PTPRD: variants seen among roughly 807,000 people sequenced by gnomAD.
PTPRD encodes the protein receptor-type tyrosine-protein phosphatase delta.
A neutral mutation model predicts 214.5 loss-of-function variants in PTPRD; 34 were observed. The observed-to-expected ratio is 0.16, with a 90% CI of 0.12 to 0.21. The LOEUF is 0.21. PTPRD is among the 10% of genes least tolerant of loss of function. The pLI, the probability that PTPRD is intolerant of heterozygous loss-of-function variation, is 1.00. For missense variants in PTPRD, 2,545 were observed against 2,398.7 expected, an observed-to-expected ratio of 1.06 and a Z score of -1.27; for synonymous variants, 1,128 against 845.7, an observed-to-expected ratio of 1.33 and a Z score of -5.79.
At chr9:9,381,905 TAAA>T (rs35036506) in intron 9 of PTPRD, among the ~76,000 whole-genome samples, 98 of 145,968 alleles carry the variant, frequency 6.7e-4, no homozygotes, top group African/African-American at 2.4e-3. Context: ...ACTATTTCTG[TAAA>T]AAAAAAAAAA....
chr9:10,364,126 A>G (rs991777533), intron 2 of PTPRD, among the ~76,000 whole-genome samples: 3 of 150,468 alleles, frequency 2.0e-5, no homozygotes, highest in Non-Finnish European at 4.4e-5. Flanking sequence ...CAGCCTCCGG[A>G]GTAGCTGGGA....
chr9:9,682,982 T>C (rs1270404730), intron 7 of PTPRD, among the ~76,000 whole-genome samples: 1 of 151,832 alleles, frequency 6.6e-6, no homozygotes, highest in African/African-American at 2.4e-5. Flanking sequence ...AGTGATAGCC[T>C]CTTTACCTTT....
intron 11 of PTPRD, among the ~76,000 whole-genome samples, chr9:8,961,618 T>C (rs2099159239): frequency 6.6e-6 from 1 of 152,136 alleles, no homozygotes; most frequent in African/African-American, 2.4e-5. Context: ...GAGCAACCAC[T>C]GTGGCTGATT....
intron 9 of PTPRD, among the ~76,000 whole-genome samples, chr9:9,265,801 AT>A (rs1939238914): frequency 6.6e-6 from 1 of 151,660 alleles, no homozygotes; most frequent in East Asian, 2.0e-4. Flanking sequence ...ATAAAAAAAA[AT>A]AAAGAAAGGA....
chr9:8,436,782 G>C (rs1007170924), intron 34 of PTPRD, 93 bp from the exon 35 acceptor site: 2 of 1,015,702 alleles, frequency 2.0e-6, no homozygotes, highest in African/African-American at 1.6e-5. Flanking sequence ...GTTAGAAATG[G>C]CCTGAAAATA....
At chr9:9,172,704 A>C (rs965099616) in intron 10 of PTPRD, among the ~76,000 whole-genome samples, 1 of 152,002 alleles carries the variant, frequency 6.6e-6, no homozygotes, top group Admixed American at 6.6e-5. Flanking sequence ...CCTCTCCTCT[A>C]TACCTCCCAT....
rs2099754314 is a variant in PTPRD, at chr9:9,078,510, T to C, written c.-142-59775A>G. ...CTCCACTTTGAATTCTTCCATTGCT[T>C]GCTGTGCCATGATAGATAAGAAAGA... On this transcript the variant is annotated intron_variant, in intron 10 of 45. Coordinates refer to ENST00000381196, the MANE Select transcript of PTPRD (RefSeq NM_002839.4). Among the ~76,000 whole-genome samples the C allele has an allele frequency of 3.3e-5, 5 of 152,094 alleles. No individual in the cohort carries two copies. In the South Asian group the frequency reaches 8.3e-4, roughly 25 times the overall value.
intron 21 of PTPRD, among the ~76,000 whole-genome samples, chr9:8,517,144 A>C (rs997443817): frequency 7.3e-5 from 11 of 151,072 alleles, no homozygotes; most frequent in Non-Finnish European, 1.5e-4. Context: ...ATTTTATATT[A>C]GCCCAAAGCC....
At chr9:9,697,476 T>C (rs2097400848) in intron 7 of PTPRD, among the ~76,000 whole-genome samples, 1 of 152,126 alleles carries the variant, frequency 6.6e-6, no homozygotes, top group Non-Finnish European at 1.5e-5. Context: ...AGTTTTCATT[T>C]TTTTAAATTT....
intron 39 of PTPRD, among the ~76,000 whole-genome samples, chr9:8,375,432 T>A (rs1182323437): frequency 6.6e-6 from 1 of 151,998 alleles, no homozygotes; most frequent in African/African-American, 2.4e-5. Context: ...AAAATCAAAT[T>A]AGTGATTTGT....
At chr9:10,462,725 G>A (rs1350870074) in intron 2 of PTPRD, among the ~76,000 whole-genome samples, 1 of 146,184 alleles carries the variant, frequency 6.8e-6, no homozygotes, top group Non-Finnish European at 1.5e-5. Context: ...AAAAAAAGAA[G>A]GATATAAGTA....
At chr9:8,831,403 G>T (rs1027730194) in intron 11 of PTPRD, among the ~76,000 whole-genome samples, 2 of 152,024 alleles carry the variant, frequency 1.3e-5, no homozygotes, top group African/African-American at 4.8e-5. Flanking sequence ...TTATGAAACT[G>T]CATTAGGAGA....
chr9:9,430,567 T>C (rs982256845), intron 8 of PTPRD, among the ~76,000 whole-genome samples: 1 of 152,158 alleles, frequency 6.6e-6, no homozygotes, highest in Admixed American at 6.5e-5. Context: ...AAAGTTCATA[T>C]GGAACAAAAA....
chr9:8,929,932 T>TATATATATGTGTGTGTATATATATGTGC (rs1588241265), intron 11 of PTPRD, among the ~76,000 whole-genome samples: 1 of 116,734 alleles, frequency 8.6e-6, no homozygotes, highest in Non-Finnish European at 2.1e-5. Context: ...TATATATGTG[T>TATATATATGTGTGTGTATATATATGTGC]ATATATATAT....
At chr9:9,715,221 T>C (rs538973987) in intron 7 of PTPRD, among the ~76,000 whole-genome samples, 12 of 152,334 alleles carry the variant, frequency 7.9e-5, no homozygotes, top group Non-Finnish European at 1.0e-4. Flanking sequence ...GGTACTGCAA[T>C]TTATGACTTT....
intron 2 of PTPRD, among the ~76,000 whole-genome samples, chr9:10,566,843 A>G (rs2065788727): frequency 2.0e-5 from 3 of 152,052 alleles, no homozygotes; most frequent in African/African-American, 7.2e-5. Flanking sequence ...TTGAATGTGG[A>G]ATGAGTAGGG....
At chr9:8,900,350 ATAATGTTTTGGATTTTGC>A (rs1476412361) in intron 11 of PTPRD, among the ~76,000 whole-genome samples, 1 of 152,238 alleles carries the variant, frequency 6.6e-6, no homozygotes, top group African/African-American at 2.4e-5. Flanking sequence ...TGATGGCAAA[ATAATGTTTTGGATTTTGC>A]TAGAGTTTTC....
At chr9:10,396,551 C>T (rs1327006354) in intron 2 of PTPRD, among the ~76,000 whole-genome samples, 2 of 151,946 alleles carry the variant, frequency 1.3e-5, no homozygotes, top group African/African-American at 4.8e-5. Context: ...CTATTAATCC[C>T]TCTGCCAGAT....
At position 9,565,236 on chromosome 9, in the gene PTPRD, T is replaced by A. The variant is rs571395530; in HGVS notation, c.-237+9496A>T. Among the ~76,000 whole-genome samples, 17 of 152,088 alleles carry A rather than the reference T, an allele frequency of 1.1e-4. 1 individual carries two copies. The South Asian group carries it at 3.5e-3, about 31-fold the overall frequency. On this transcript the variant is annotated intron_variant, in intron 8 of 45. Transcript: ENST00000381196. ...TTTTTGCAACTCTAAACAAACCTTT[T>A]TAAGCTCACTAAACTCTTGCTTCAT...
Sources: allele counts gnomAD v4.1 joint callset (sites outside exome capture counted in the v4.1 genomes callset), GRCh38; gene constraint gnomAD v4.1.1; transcripts MANE v1.5; gene names NCBI Gene and HGNC (gene_info 2026-07-23, HGNC 2026-07-21).